The following PKIB variants were observed in gnomAD, a reference collection of about 807,000 sequenced individuals.
PKIB encodes cAMP-dependent protein kinase inhibitor beta, also known as PKI-beta.
In PKIB, 2 loss-of-function variants were observed where a neutral mutation model predicts 4.5. That is an observed-to-expected ratio of 0.44 (90% CI 0.18 to 1.39). The LOEUF (loss-of-function observed/expected upper bound fraction) is 1.39. PKIB is among the 40% of genes most tolerant of loss of function. PKIB has a pLI of 0.27. For missense variants in PKIB, 94 were observed against 92.6 expected, an observed-to-expected ratio of 1.02 and a Z score of -0.06; for synonymous variants, 38 against 36.0, an observed-to-expected ratio of 1.06 and a Z score of -0.20.
chr6:122,632,634 A>G (rs562715522), intron 1 of PKIB, among the ~76,000 whole-genome samples: 7 of 152,226 alleles, frequency 4.6e-5, no homozygotes, highest in Non-Finnish European at 8.8e-5. Flanking sequence ...CTACCTATTC[A>G]TAGCAAAATG....
At chr6:122,658,944 T>C (rs1776882516) in intron 2 of PKIB, among the ~76,000 whole-genome samples, 1 of 151,480 alleles carries the variant, frequency 6.6e-6, no homozygotes, top group Admixed American at 6.6e-5. Flanking sequence ...AATCATAGCC[T>C]AATGGAACAC....
intron 2 of PKIB, among the ~76,000 whole-genome samples, chr6:122,527,262 CTTA>C (rs947833137): frequency 2.6e-5 from 4 of 152,006 alleles, no homozygotes; most frequent in Admixed American, 2.0e-4. Flanking sequence ...GTTTTCCTTT[CTTA>C]TTATTCATGT....
intron 2 of PKIB, among the ~76,000 whole-genome samples, chr6:122,568,850 A>G (rs1463053817): frequency 6.6e-6 from 1 of 152,006 alleles, no homozygotes; most frequent in Non-Finnish European, 1.5e-5. Context: ...GGAGGTTGCT[A>G]TCTCTGTGGA....
At chr6:122,510,700 C>CT (rs955998376) in intron 2 of PKIB, among the ~76,000 whole-genome samples, 31 of 151,916 alleles carry the variant, frequency 2.0e-4, no homozygotes, top group African/African-American at 2.9e-4. Context: ...GAAATATATC[C>CT]TTTTTTTTAG....
chr6:122,535,540 A>G (rs1279502816), intron 2 of PKIB, among the ~76,000 whole-genome samples: 1 of 152,162 alleles, frequency 6.6e-6, no homozygotes, highest in Non-Finnish European at 1.5e-5. Context: ...CTGTCCAGTA[A>G]AAAATCTAAA....
chr6:122,508,907 T>C (rs374161914), intron 2 of PKIB, among the ~76,000 whole-genome samples: 2 of 151,800 alleles, frequency 1.3e-5, no homozygotes, highest in Middle Eastern at 3.2e-3. Context: ...CCCGCCACCA[T>C]GCCCAGCTAA....
At chr6:122,591,321 G>GT (rs957016587) in intron 3 of PKIB, among the ~76,000 whole-genome samples, 5 of 151,904 alleles carry the variant, frequency 3.3e-5, no homozygotes, top group Admixed American at 3.3e-4. Context: ...CTGATTTTCA[G>GT]TTTTTTTGCA....
chr6:122,622,715 C>A (rs201028397), intron 1 of PKIB, among the ~76,000 whole-genome samples: 2 of 152,304 alleles, frequency 1.3e-5, no homozygotes, highest in East Asian at 3.9e-4. Context: ...AGTGGGGGCT[C>A]ACCCCTACCG....
chr6:122,576,783 A>G (rs1338557029), intron 2 of PKIB, among the ~76,000 whole-genome samples: 1 of 149,340 alleles, frequency 6.7e-6, no homozygotes, highest in Non-Finnish European at 1.5e-5. Context: ...TATTTAACAT[A>G]GCACATCTTG....
intron 2 of PKIB, among the ~76,000 whole-genome samples, chr6:122,507,669 A>ATT (rs576003513): frequency 2.8e-5 from 4 of 142,216 alleles, no homozygotes; most frequent in African/African-American, 1.0e-4. Context: ...TGGCTTAAAA[A>ATT]TTTTTTTTTT....
chr6:122,711,714 C>A (rs958225428), intron 3 of PKIB, among the ~76,000 whole-genome samples: 4 of 152,046 alleles, frequency 2.6e-5, no homozygotes, highest in Admixed American at 2.6e-4. Flanking sequence ...TGTAAGTGGC[C>A]TTATGTTAGT....
chr6:122,638,119 T>A (rs1436096342), intron 2 of PKIB, among the ~76,000 whole-genome samples: 1 of 152,178 alleles, frequency 6.6e-6, no homozygotes, highest in Non-Finnish European at 1.5e-5. Context: ...GTTTCCTGTT[T>A]TATGGAAGTT....
upstream of PKIB, among the ~76,000 whole-genome samples, chr6:122,608,284 G>C (rs1468035918): frequency 6.6e-6 from 1 of 152,058 alleles, no homozygotes; most frequent in Non-Finnish European, 1.5e-5. Flanking sequence ...ATCCAAGCTT[G>C]CTCCTTGTCT....
intron 3 of PKIB, among the ~76,000 whole-genome samples, chr6:122,711,356 A>C (rs1779267828): frequency 6.6e-6 from 1 of 152,202 alleles, no homozygotes; most frequent in Non-Finnish European, 1.5e-5. Context: ...GCCTAAACTT[A>C]GGAAAGACTT....
intron 2 of PKIB, among the ~76,000 whole-genome samples, chr6:122,515,198 A>G (rs1188020002): frequency 6.6e-6 from 1 of 152,198 alleles, no homozygotes; most frequent in Admixed American, 6.5e-5. Flanking sequence ...TAATTTCATG[A>G]TAAAACTCTG....
At chr6:122,486,548 A>G (rs1318921671) in intron 2 of PKIB, among the ~76,000 whole-genome samples, 1 of 151,612 alleles carries the variant, frequency 6.6e-6, no homozygotes, top group East Asian at 1.9e-4. Flanking sequence ...TGTTCCTTCT[A>G]ATTTCATTTC....
At chr6:122,514,228 A>AT (rs1246821292) in intron 2 of PKIB, among the ~76,000 whole-genome samples, 1 of 152,154 alleles carries the variant, frequency 6.6e-6, no homozygotes, top group African/African-American at 2.4e-5. Flanking sequence ...GGAAAAAAAA[A>AT]TTCTTTCTTT....
chr6:122,624,947 A>G (rs1775376979), intron 1 of PKIB, among the ~76,000 whole-genome samples: 1 of 152,214 alleles, frequency 6.6e-6, no homozygotes, highest in Non-Finnish European at 1.5e-5. Flanking sequence ...ACAGTAGCAA[A>G]GTAAAAAGAG....
intron 2 of PKIB, among the ~76,000 whole-genome samples, chr6:122,658,609 A>T (rs1203639252): frequency 1.3e-5 from 2 of 151,944 alleles, no homozygotes; most frequent in African/African-American, 4.8e-5. Flanking sequence ...GTGTAACATA[A>T]ACTTGGAGTT....
Sources: allele counts gnomAD v4.1 joint callset (sites outside exome capture counted in the v4.1 genomes callset), GRCh38; gene constraint gnomAD v4.1.1; transcripts MANE v1.5; gene names NCBI Gene and HGNC (gene_info 2026-07-23, HGNC 2026-07-21).